Variants in PTPRD observed in about 807,000 individuals in gnomAD.
The protein encoded by PTPRD is receptor-type tyrosine-protein phosphatase delta.
A neutral mutation model predicts 214.5 loss-of-function variants in PTPRD; 34 were observed. The observed-to-expected ratio is 0.16, with a 90% confidence interval of 0.12 to 0.21. The LOEUF is 0.21. PTPRD is among the 10% of genes least tolerant of loss of function. PTPRD has a pLI of 1.00. For missense variants in PTPRD, 2,545 were observed against 2,398.7 expected, an observed-to-expected ratio of 1.06 and a Z score of -1.27; for synonymous variants, 1,128 against 845.7, an observed-to-expected ratio of 1.33 and a Z score of -5.79.
At chr9:10,233,638 G>C (rs1374797364) in intron 3 of PTPRD, among the ~76,000 whole-genome samples, 1 of 151,786 alleles carries the variant, frequency 6.6e-6, no homozygotes, top group Non-Finnish European at 1.5e-5. Context: ...CATGCTACTT[G>C]TAAAATCTAC....
intron 4 of PTPRD, among the ~76,000 whole-genome samples, chr9:10,005,962 C>G (rs1030136695): frequency 6.6e-6 from 1 of 151,806 alleles, no homozygotes; most frequent in African/African-American, 2.4e-5. Flanking sequence ...AAAATCTAAA[C>G]TGAATTTCAA....
chr9:10,002,028 G>C (rs1240575647), intron 4 of PTPRD, among the ~76,000 whole-genome samples: 2 of 151,882 alleles, frequency 1.3e-5, no homozygotes, highest in Non-Finnish European at 2.9e-5. Context: ...ATACAAAAGG[G>C]AAGCTAAAGA....
intron 9 of PTPRD, among the ~76,000 whole-genome samples, chr9:9,269,235 G>T (rs1467061044): frequency 6.6e-6 from 1 of 151,224 alleles, no homozygotes; most frequent in Non-Finnish European, 1.5e-5. Flanking sequence ...TTATGAAATG[G>T]TTAATAGGCA....
intron 2 of PTPRD, among the ~76,000 whole-genome samples, chr9:10,563,026 C>A (rs912316144): frequency 5.6e-4 from 86 of 152,216 alleles, no homozygotes; most frequent in African/African-American, 1.8e-3. Context: ...GGAAGTGAGG[C>A]TACTACAGAG....
chr9:9,837,568 G>A (rs770392150), intron 5 of PTPRD, among the ~76,000 whole-genome samples: 1 of 152,040 alleles, frequency 6.6e-6, no homozygotes, highest in Non-Finnish European at 1.5e-5. Flanking sequence ...TCTTTGATTT[G>A]CTTTTGACTT....
chr9:9,061,668 A>G (rs1164693586), intron 10 of PTPRD, among the ~76,000 whole-genome samples: 2 of 152,208 alleles, frequency 1.3e-5, no homozygotes, highest in Non-Finnish European at 2.9e-5. Context: ...AATATTAATA[A>G]AAGAAGAGCA....
chr9:10,283,262 G>T (rs1260512330), intron 3 of PTPRD, among the ~76,000 whole-genome samples: 2 of 152,008 alleles, frequency 1.3e-5, no homozygotes, highest in Non-Finnish European at 2.9e-5. Flanking sequence ...TGTGCTTATA[G>T]CTCCTGGTCC....
At chr9:10,321,590 G>C (rs967360000) in intron 3 of PTPRD, among the ~76,000 whole-genome samples, 1 of 151,978 alleles carries the variant, frequency 6.6e-6, no homozygotes, top group Non-Finnish European at 1.5e-5. Context: ...GATTTTGAAG[G>C]GGTTTTAAAA....
chr9:9,761,720 A>C (rs1597084626), intron 6 of PTPRD, among the ~76,000 whole-genome samples: 2 of 152,096 alleles, frequency 1.3e-5, no homozygotes, highest in East Asian at 3.9e-4. Context: ...ATCTCAATAA[A>C]AATTTCGATG....
At chr9:8,523,609 C>T (rs1457692232) in intron 18 of PTPRD, 85 bp from the exon 19 acceptor site, 1 of 1,474,794 alleles carries the variant, frequency 6.8e-7, no homozygotes, top group Non-Finnish European at 9.4e-7. Context: ...AGTAAAAAGG[C>T]CATATCAAGG....
intron 9 of PTPRD, among the ~76,000 whole-genome samples, chr9:9,228,717 G>C (rs569857905): frequency 1.3e-5 from 2 of 152,076 alleles, no homozygotes; most frequent in South Asian, 4.1e-4. Context: ...GAGATTAAAC[G>C]TCATTATGTA....
At chr9:9,865,936 C>T (rs2063837147) in intron 5 of PTPRD, among the ~76,000 whole-genome samples, 1 of 152,182 alleles carries the variant, frequency 6.6e-6, no homozygotes, top group Non-Finnish European at 1.5e-5. Context: ...GACAGCGTCC[C>T]TCAGTGTGTT....
In PTPRD at chr9:9,412,930, G is replaced by A. The variant is rs578232371; in HGVS notation, c.-236-15448C>T. ...AAATCTCACTAAGGATATTTCAGAGGAAAGATCAATGGAGGGATATAGTTT... is the reference window on the plus strand; with the variant it reads ...AAATCTCACTAAGGATATTTCAGAGAAAAGATCAATGGAGGGATATAGTTT... On this transcript the variant is annotated intron_variant, in intron 8 of 45. Coordinates refer to ENST00000381196, the MANE Select transcript of PTPRD (RefSeq NM_002839.4). Among the ~76,000 whole-genome samples, 7 of 152,042 alleles carry A rather than the reference G, an allele frequency of 4.6e-5. No individual in the cohort carries two copies. The South Asian group carries it at 1.5e-3, about 32-fold the overall frequency.
chr9:9,857,458 A>G (rs186166674), intron 5 of PTPRD, among the ~76,000 whole-genome samples: 2 of 152,194 alleles, frequency 1.3e-5, no homozygotes, highest in Non-Finnish European at 2.9e-5. Flanking sequence ...TTGCTTTTTT[A>G]TTTATCTCAA....
At chr9:9,889,060 A>G (rs1435120571) in intron 5 of PTPRD, among the ~76,000 whole-genome samples, 1 of 152,152 alleles carries the variant, frequency 6.6e-6, no homozygotes, top group Non-Finnish European at 1.5e-5. Context: ...TGTGGAATCT[A>G]AAAGAGTTGA....
At chr9:10,500,618 T>C (rs1000405650) in intron 2 of PTPRD, among the ~76,000 whole-genome samples, 2 of 151,918 alleles carry the variant, frequency 1.3e-5, no homozygotes, top group South Asian at 4.1e-4. Flanking sequence ...AGTCACTCTG[T>C]AGTGCTAGCA....
At chr9:8,973,213 T>C (rs576838572) in intron 11 of PTPRD, among the ~76,000 whole-genome samples, 1 of 152,058 alleles carries the variant, frequency 6.6e-6, no homozygotes, top group Middle Eastern at 3.4e-3. Flanking sequence ...CACTCCCTCC[T>C]CCTTCTCTCC....
At chr9:9,201,882 G>A (rs375427731) in intron 9 of PTPRD, among the ~76,000 whole-genome samples, 62 of 152,174 alleles carry the variant, frequency 4.1e-4, no homozygotes, top group African/African-American at 1.5e-3. Flanking sequence ...AAGCTGTGGA[G>A]CACAGCAAAA....
At chr9:8,409,012 T>G (rs1413281173) in intron 35 of PTPRD, among the ~76,000 whole-genome samples, 1 of 152,194 alleles carries the variant, frequency 6.6e-6, no homozygotes, top group Non-Finnish European at 1.5e-5. Flanking sequence ...GAAGTTTATC[T>G]CAAACTAGGT....
Sources: allele counts gnomAD v4.1 joint callset (sites outside exome capture counted in the v4.1 genomes callset), GRCh38; gene constraint gnomAD v4.1.1; transcripts MANE v1.5; gene names NCBI Gene and HGNC (gene_info 2026-07-23, HGNC 2026-07-21).